The following LBR variants were observed in gnomAD, a reference collection of about 807,000 sequenced individuals.
The protein encoded by LBR is delta(14)-sterol reductase LBR.
In LBR, 28 loss-of-function variants were observed where a neutral mutation model predicts 74.3. That is an observed-to-expected ratio of 0.38 (90% CI 0.28 to 0.52). LBR has a LOEUF of 0.52. Among genes scored for constraint, LBR ranks in the 20% least tolerant of loss-of-function variants. The pLI, the probability that LBR is intolerant of heterozygous loss-of-function variation, is 0.89. For missense variants in LBR, 717 were observed against 760.3 expected (o/e 0.94, Z 0.67); for synonymous variants, 228 against 269.3 (o/e 0.85, Z 1.50).
chr1:225,425,269 T>C (rs1458428538), intron 1 of LBR, among the ~76,000 whole-genome samples: 1 of 152,160 alleles, frequency 6.6e-6, no homozygotes, highest in African/African-American at 2.4e-5. Flanking sequence ...CACCACATTT[T>C]TTCACTGTTA....
chr1:225,405,472 T>C (rs924718473), intron 11 of LBR, among the ~76,000 whole-genome samples: 1 of 152,202 alleles, frequency 6.6e-6, no homozygotes, highest in East Asian at 1.9e-4. Context: ...ATGGACAGAT[T>C]AATGTGGCTA....
chr1:225,420,455 C>T (rs913815633), intron 3 of LBR, among the ~76,000 whole-genome samples: 2 of 151,924 alleles, frequency 1.3e-5, no homozygotes, highest in Non-Finnish European at 2.9e-5. Context: ...AAACAAAAGA[C>T]ATTCAAAAAG....
intron 8 of LBR, 75 bp downstream of exon 8, chr1:225,412,379 T>A (rs188201508): frequency 7.5e-7 from 1 of 1,339,644 alleles, no homozygotes; most frequent in Non-Finnish European, 1.1e-6. Context: ...AAAAAAGCAA[T>A]CTATTCAAAT....
chr1:225,415,367 A>C, intron 6 of LBR, 35 bp from the exon 7 acceptor site: 1 of 1,184,714 alleles, frequency 8.4e-7, no homozygotes, highest in Non-Finnish European at 1.2e-6. Context: ...TTTACTAAGC[A>C]CATCACCATC....
intron 10 of LBR, 107 bp downstream of exon 10, chr1:225,410,184 C>T: frequency 6.5e-7 from 1 of 1,539,782 alleles, no homozygotes. Flanking sequence ...GCCTTGGAGG[C>T]AGGCCATGCT....
At chr1:225,411,621 G>A (rs532580059) in intron 8 of LBR, among the ~76,000 whole-genome samples, 181 bp from the exon 9 acceptor site, 13 of 152,296 alleles carry the variant, frequency 8.5e-5, no homozygotes, top group Middle Eastern at 3.4e-3. Context: ...ATGCCTGCCC[G>A]ACTGAAAAGG....
rs934709705 is a variant in LBR, at chr1:225,406,678, A to C, written c.1469T>G (p.Ile490Ser). Residue 490 changes from isoleucine (I) to serine (S), a missense_variant, in exon 11 of 14, where the codon ATT becomes AGT. Transcript: ENST00000272163. ...NEVSWPMASL[I>S]IVLKLCGYVI... ...TTAATACTCACGTTTCAGAACAATA[A>C]TTAGAGAAGCCATTGGCCAAGACAC... 1.2e-6 allele frequency: 2 copies of C among 1,611,676 alleles called. No homozygotes were observed. The highest frequency in any genetic ancestry group is 1.3e-5 in the African/African-American group (1 of 74,712).
intron 5 of LBR, 127 bp from the exon 6 acceptor site, chr1:225,418,307 A>T (rs2096121270): frequency 5.3e-6 from 5 of 943,024 alleles, no homozygotes; most frequent in Non-Finnish European, 6.6e-6. Flanking sequence ...TTTCTAATGT[A>T]CCATCAAAAA....
In LBR at chr1:225,401,892, A is replaced by C. The variant is rs1007925690; in HGVS notation, c.*1411T>G. On this transcript the variant is annotated 3_prime_UTR_variant, in exon 14 of 14. Coordinates refer to ENST00000272163, the MANE Select transcript of LBR (RefSeq NM_002296.4). ...GCTAAGTTACATACACTTCAAATGC[A>C]GTATAGAATTAACACTGCATATCTA... is the stretch of plus-strand genomic sequence containing the variant. The C allele has an allele frequency of 6.6e-6, 1 of 152,260 alleles. No individual in the cohort carries two copies. The highest frequency in any genetic ancestry group is 1.9e-4 in the East Asian group (1 of 5,208). The allele number at this position is 152,260 out of a possible 1,614,324, so 9.4% of individuals were successfully genotyped here.
chr1:225,415,040 G>C (rs748707604), intron 7 of LBR, among the ~76,000 whole-genome samples: 2 of 152,214 alleles, frequency 1.3e-5, no homozygotes, highest in Non-Finnish European at 2.9e-5. Flanking sequence ...ATTTCTAACA[G>C]TGATGAGCAC....
At chr1:225,422,039 C>T (rs770443387) in intron 3 of LBR, 38 bp downstream of exon 3, 47 of 1,575,820 alleles carry the variant, frequency 3.0e-5, no homozygotes, top group East Asian at 2.5e-4. Flanking sequence ...ATACATAAAG[C>T]GGAAGACAAA....
At chr1:225,404,322 A>T (rs2096086986) in intron 13 of LBR, 82 bp downstream of exon 13, 2 of 1,594,594 alleles carry the variant, frequency 1.3e-6, no homozygotes, top group Non-Finnish European at 1.7e-6. Context: ...CACCTTGGCC[A>T]CACTGTCCCA....
chr1:225,428,386 C>T (rs2150963773), upstream of LBR, among the ~76,000 whole-genome samples: 1 of 152,352 alleles, frequency 6.6e-6, no homozygotes, highest in Admixed American at 6.5e-5. Context: ...CTTTCCCTCC[C>T]AGCGCTCGCA....
intron 1 of LBR, among the ~76,000 whole-genome samples, chr1:225,425,945 T>C (rs897546957): frequency 1.2e-4 from 19 of 152,210 alleles, no homozygotes; most frequent in Non-Finnish European, 1.5e-4. Flanking sequence ...CTGGCATCTT[T>C]CCATTGCACT....
intron 2 of LBR, 80 bp downstream of exon 2, chr1:225,423,831 T>C: frequency 2.2e-6 from 3 of 1,362,526 alleles, no homozygotes; most frequent in East Asian, 2.3e-5. Flanking sequence ...CTGAACTGAC[T>C]ATCCTGAGCT....
At chr1:225,420,831 C>T (rs115054667) in intron 3 of LBR, among the ~76,000 whole-genome samples, 2,790 of 151,364 alleles carry the variant, frequency 0.018, 29 homozygotes, top group Non-Finnish European at 0.029. Context: ...AGCATTCATA[C>T]ACTGATACTA....
In LBR at chr1:225,412,594, T is replaced by C; in HGVS notation, c.944A>G (p.Gln315Arg). Residue 315 changes from glutamine to arginine, a missense_variant, in exon 8 of 14, where the codon CAG (glutamine) becomes CGG (arginine). By Grantham distance (43) the Gln-to-Arg change is conservative. Transcript: ENST00000272163. ...TSAVIGTSLF[Q>R]GVEFHYVYSH... is the part of the protein sequence containing the mutation. ...GTACACGTAATGAAACTCTACGCCC[T>C]GGAAGAGAGATGTTCCGATGACTGC... 6.2e-7 allele frequency: 1 copy of C among 1,612,060 alleles called. No homozygotes were observed. Among genetic ancestry groups the C allele is most frequent in the Non-Finnish European group, 8.5e-7 (1 of 1,179,708 alleles).
rs768740599 is a variant in LBR, at chr1:225,424,095, T to C, written c.-14-6A>G. ...TGGCATTTTCTATAATTAACCTGAATAGTTTTAAAGAAAAAAATTTGAGTC... is the reference window on the plus strand; with the variant it reads ...TGGCATTTTCTATAATTAACCTGAACAGTTTTAAAGAAAAAAATTTGAGTC... On this transcript the variant is annotated splice_polypyrimidine_tract_variant and splice_region_variant and intron_variant, in intron 1 of 13. Transcript: ENST00000272163. The C allele has an allele frequency of 8.7e-6, 14 of 1,611,654 alleles. No homozygotes were observed. The South Asian group carries it at 1.4e-4, about 16-fold the overall frequency.
intron 7 of LBR, chr1:225,413,855 C>T (rs940794275): frequency 4.8e-6 from 2 of 417,382 alleles, no homozygotes; most frequent in East Asian, 1.5e-4. Flanking sequence ...GCCACTCCCC[C>T]ACTGGCTCCA....
Sources: gnomAD v4.1 joint callset for allele counts (sites outside exome capture counted in the v4.1 genomes callset) on GRCh38, gnomAD v4.1.1 for gene constraint, MANE v1.5 for transcripts, NCBI Gene and HGNC (gene_info 2026-07-23, HGNC 2026-07-21) for gene names.